The following ATP13A4 variants were observed in gnomAD, a reference collection of about 807,000 sequenced individuals.
The protein encoded by ATP13A4 is ATPase 13A4, also known as probable cation-transporting ATPase 13A4.
In ATP13A4, 114 loss-of-function variants were observed where a neutral mutation model predicts 142.5. The ratio of observed to expected loss-of-function variants is 0.80; its 90% CI spans 0.69 to 0.93. The LOEUF (loss-of-function observed/expected upper bound fraction) is 0.93. ATP13A4 is among the 40% of genes least tolerant of loss of function. The probability of loss-of-function intolerance (pLI) is 0.00; values close to 1 mark genes in which losing one functional copy is unlikely to be tolerated. For synonymous variants in ATP13A4, 488 were observed against 514.8 expected (o/e 0.95, Z 0.70); for missense variants, 1,392 against 1,454.0 (o/e 0.96, Z 0.69).
intron 1 of ATP13A4, among the ~76,000 whole-genome samples, chr3:193,590,554 C>T (rs1231661510): frequency 6.6e-6 from 1 of 152,140 alleles, no homozygotes. Context: ...TTCTCTTGGC[C>T]TTTCTTACAA....
At position 193,399,752 on chromosome 3, in the gene ATP13A4, A is replaced by G. The variant is rs928517932; in HGVS notation, c.*2900T>C. Among the ~76,000 whole-genome samples, 2 of 148,680 alleles carry G rather than the reference A, an allele frequency of 1.3e-5. No homozygotes were observed. Among genetic ancestry groups the G allele is most frequent in the African/African-American group, 4.9e-5 (2 of 40,446 alleles). On this transcript the variant is annotated 3_prime_UTR_variant, in exon 30 of 30. Transcript: ENST00000342695. ...TCCCAGCTACTTGGGAGGCTGAGGC[A>G]GGAGAATGGTGTGAATCCGGGAGGC... is the stretch of plus-strand genomic sequence containing the variant.
At chr3:193,469,478 T>C (rs6784496) in intron 9 of ATP13A4, among the ~76,000 whole-genome samples, 34,821 of 151,932 alleles carry the variant, frequency 0.23, 4,084 homozygotes, top group South Asian at 0.34. Flanking sequence ...ATACAAAAAT[T>C]AGCCAGGCAT....
chr3:193,582,410 G>A (rs1724568036), intron 1 of ATP13A4, among the ~76,000 whole-genome samples: 1 of 148,822 alleles, frequency 6.7e-6, no homozygotes, highest in South Asian at 2.1e-4. Context: ...GCCTCCCAAA[G>A]TGTTGGGACT....
In ATP13A4 at chr3:193,489,873, A is replaced by C; in HGVS notation, c.604-9T>G. On this transcript the variant is annotated splice_polypyrimidine_tract_variant and intron_variant, in intron 6 of 29. Coordinates refer to ENST00000342695, the MANE Select transcript of ATP13A4 (RefSeq NM_032279.4). ...TAAAATGGATTTAGAACCTGTTGGC[A>C]GACATAAAAACAGGAAGACAAGGGA... 6.2e-7 allele frequency: 1 copy of C among 1,612,088 alleles called. No individual in the cohort carries two copies. Among genetic ancestry groups the C allele is most frequent in the South Asian group, 1.1e-5 (1 of 90,992 alleles).
chr3:193,465,637 C>T (rs956966401), intron 11 of ATP13A4, among the ~76,000 whole-genome samples: 8 of 152,154 alleles, frequency 5.3e-5, no homozygotes, highest in African/African-American at 1.2e-4. Context: ...AAAACAATAA[C>T]GTACTAGTCT....
chr3:193,439,160 C>A, intron 21 of ATP13A4, 95 bp from the exon 22 acceptor site: 2 of 1,287,696 alleles, frequency 1.6e-6, no homozygotes, highest in South Asian at 2.4e-5. Context: ...ACTTAGGGTT[C>A]AAACTCATTA....
At chr3:193,488,915 T>A (rs1442530389) in intron 7 of ATP13A4, among the ~76,000 whole-genome samples, 1 of 152,050 alleles carries the variant, frequency 6.6e-6, no homozygotes, top group East Asian at 1.9e-4. Flanking sequence ...GAGTGGATGG[T>A]CTCTCAAGCA....
chr3:193,590,860 T>G (rs1724752159), intron 1 of ATP13A4, among the ~76,000 whole-genome samples: 1 of 152,212 alleles, frequency 6.6e-6, no homozygotes, highest in Admixed American at 6.5e-5. Context: ...ATTGATGTGT[T>G]CAATTTCAGA....
chr3:193,495,826 T>C (rs1720192963), intron 3 of ATP13A4, among the ~76,000 whole-genome samples: 2 of 151,896 alleles, frequency 1.3e-5, no homozygotes, highest in African/African-American at 2.4e-5. Flanking sequence ...ATATAGAACG[T>C]CCTAAAGCCT....
chr3:193,410,925 A>T, intron 28 of ATP13A4, 57 bp downstream of exon 28: 1 of 1,143,870 alleles, frequency 8.7e-7, no homozygotes, highest in Non-Finnish European at 1.3e-6. Flanking sequence ...TCTGCTTTTT[A>T]AAGTTAAACT....
At position 193,539,037 on chromosome 3, in the gene ATP13A4, C is replaced by T. The variant is rs368646173; in HGVS notation, c.60+15703G>A. ...TACAGGCATGTGCCACCACGCCCAG[C>T]TAATTTTGTATTTTTAGTAGAGACA... On this transcript the variant is annotated intron_variant, in intron 1 of 29. Transcript: ENST00000342695. Among the ~76,000 whole-genome samples, 10 of 152,068 alleles carry T rather than the reference C, an allele frequency of 6.6e-5. 1 individual carries two copies. The highest frequency in any genetic ancestry group is 2.4e-4 in the African/African-American group (10 of 41,476).
chr3:193,484,036 A>G, intron 7 of ATP13A4, 31 bp from the exon 8 acceptor site: 1 of 1,545,046 alleles, frequency 6.5e-7, no homozygotes. Context: ...GAAAAGTCTT[A>G]TCTATTTGAG....
At chr3:193,586,642 T>C (rs1351013032) in intron 1 of ATP13A4, among the ~76,000 whole-genome samples, 2 of 152,258 alleles carry the variant, frequency 1.3e-5, no homozygotes, top group Non-Finnish European at 2.9e-5. Flanking sequence ...TGAATTGTTT[T>C]GGTGATTTTG....
At chr3:193,414,214 T>G (rs1481148608) in intron 26 of ATP13A4, among the ~76,000 whole-genome samples, 2 of 152,202 alleles carry the variant, frequency 1.3e-5, no homozygotes, top group African/African-American at 4.8e-5. Context: ...CTAACAAAGA[T>G]AGTTTTGAAG....
At chr3:193,452,650 CAT>C (rs1717348689) in intron 17 of ATP13A4, among the ~76,000 whole-genome samples, 3 of 147,458 alleles carry the variant, frequency 2.0e-5, no homozygotes, top group African/African-American at 5.0e-5. Flanking sequence ...CTGCATCACA[CAT>C]GTCTTTTGAA....
intron 2 of ATP13A4, among the ~76,000 whole-genome samples, chr3:193,580,880 G>A (rs1724529786): frequency 6.6e-6 from 1 of 152,194 alleles, no homozygotes; most frequent in Admixed American, 6.5e-5. Context: ...GAAATAGAGT[G>A]AAGAAAAGCA....
At chr3:193,551,641 TG>T (rs1234820970) in intron 1 of ATP13A4, among the ~76,000 whole-genome samples, 1 of 152,116 alleles carries the variant, frequency 6.6e-6, no homozygotes, top group Non-Finnish European at 1.5e-5. Context: ...GTGAGTCTGG[TG>T]GGGGTAAGAA....
At chr3:193,419,155 C>T (rs542728529) in intron 25 of ATP13A4, among the ~76,000 whole-genome samples, 4 of 150,230 alleles carry the variant, frequency 2.7e-5, no homozygotes, top group South Asian at 2.1e-4. Flanking sequence ...CTTGATGAAA[C>T]TGCTCCAACT....
At position 193,399,092 on chromosome 3, in the gene ATP13A4, T is replaced by C. The variant is rs1363790976; in HGVS notation, c.*3560A>G. Among the ~76,000 whole-genome samples the C allele has an allele frequency of 4.6e-5, 7 of 152,280 alleles. No homozygotes were observed. In the South Asian group the frequency reaches 8.3e-4, roughly 18 times the overall value. Reference sequence around the variant, plus strand: ...GAACATTTCCATAAGCACATAAGGATACAGATGTCACAGACATATTTAGTG... The same window carrying C: ...GAACATTTCCATAAGCACATAAGGACACAGATGTCACAGACATATTTAGTG... On this transcript the variant is annotated 3_prime_UTR_variant, in exon 30 of 30. Coordinates refer to ENST00000342695, the MANE Select transcript of ATP13A4 (RefSeq NM_032279.4).
Sources: gnomAD v4.1 joint callset for allele counts (sites outside exome capture counted in the v4.1 genomes callset) on GRCh38, gnomAD v4.1.1 for gene constraint, MANE v1.5 for transcripts, NCBI Gene and HGNC (gene_info 2026-07-23, HGNC 2026-07-21) for gene names.